SERPINB12: variants seen among roughly 807,000 people sequenced by gnomAD.
SERPINB12 encodes serpin B12.
In SERPINB12, 57 loss-of-function variants were observed where a neutral mutation model predicts 41.1. The observed-to-expected ratio is 1.39, with a 90% CI of 1.12 to 1.73. The LOEUF (loss-of-function observed/expected upper bound fraction) is 1.73. Among genes scored for constraint, SERPINB12 ranks in the 40% most tolerant of loss-of-function variants. SERPINB12 has a pLI of 0.00. For missense variants in SERPINB12, 536 were observed against 501.9 expected, an observed-to-expected ratio of 1.07 and a Z score of -0.65; for synonymous variants, 180 against 181.3, an observed-to-expected ratio of 0.99 and a Z score of 0.06.
At chr18:63,533,686 A>C in the SERPINB12 span, among the ~76,000 whole-genome samples, 12 of 152,218 alleles carry the variant, frequency 7.9e-5, no homozygotes, top group Non-Finnish European at 4.4e-5. Context: ...TATCTATAAT[A>C]GAATATTTGT....
the SERPINB12 span, among the ~76,000 whole-genome samples, chr18:63,531,420 A>C: frequency 7.2e-5 from 11 of 152,318 alleles, no homozygotes; most frequent in African/African-American, 2.6e-4. Context: ...CTCAGATAGC[A>C]TTGTTCTTTG....
In SERPINB12 at chr18:63,568,945, A is replaced by G. The variant is rs1473489842; in HGVS notation, c.*1934A>G. On this transcript the variant is annotated 3_prime_UTR_variant, in exon 8 of 8. Coordinates refer to ENST00000382768, the MANE Select transcript of SERPINB12 (RefSeq NM_001307928.2). ...GTGCCCTATCCAGAATGCATGTCCCATGGGTCAAATTAATTTCAGATAACC... is the reference window on the plus strand; with the variant it reads ...GTGCCCTATCCAGAATGCATGTCCCGTGGGTCAAATTAATTTCAGATAACC... 6.6e-6 allele frequency among the ~76,000 whole-genome samples: 1 copy of G among 152,144 alleles called. No homozygotes were observed.
chr18:63,522,148 G>A, the SERPINB12 span, among the ~76,000 whole-genome samples: 9 of 152,294 alleles, frequency 5.9e-5, no homozygotes, highest in South Asian at 4.1e-4. Flanking sequence ...TGTGACAAGA[G>A]TAATGATTGA....
At chr18:63,539,123 G>T (rs989570968), upstream of SERPINB12, among the ~76,000 whole-genome samples, 1 of 152,052 alleles carries the variant, frequency 6.6e-6, no homozygotes, top group Non-Finnish European at 1.5e-5. Flanking sequence ...CCTGACCAGG[G>T]TTATTTCCTC....
chr18:63,547,890 G>A (rs1160055951), intron 1 of SERPINB12, among the ~76,000 whole-genome samples: 1 of 152,010 alleles, frequency 6.6e-6, no homozygotes, highest in Non-Finnish European at 1.5e-5. Context: ...TCAAACATTA[G>A]GATTATCTAC....
In SERPINB12 at chr18:63,565,565, G is replaced by C; in HGVS notation, c.826G>C (p.Val276Leu). ...CACCAAGGGGAAGCTCAGCATGTTCGTGCTGCTGCCATCTCACTCTAAAGA... is the reference window on the plus strand; with the variant it reads ...CACCAAGGGGAAGCTCAGCATGTTCCTGCTGCTGCCATCTCACTCTAAAGA... ...RYTKGKLSMF[V>L]LLPSHSKDNL... The change falls in exon 7 of 8, where the codon GTG becomes CTG. Residue 276 changes from valine to leucine, a missense_variant. Physicochemically the swap from Val to Leu is conservative, Grantham distance 32. Transcript: ENST00000382768. The C allele has an allele frequency of 6.2e-7, 1 of 1,614,070 alleles. No individual in the cohort carries two copies. Among genetic ancestry groups the C allele is most frequent in the Non-Finnish European group, 8.5e-7 (1 of 1,179,958 alleles).
intron 7 of SERPINB12, 138 bp from the exon 8 acceptor site, chr18:63,566,469 C>T (rs1423798736): frequency 1.3e-6 from 1 of 745,682 alleles, no homozygotes; most frequent in African/African-American, 1.8e-5. Context: ...TAAATGAAAT[C>T]AGACTATTCT....
intron 1 of SERPINB12, among the ~76,000 whole-genome samples, chr18:63,554,529 C>A (rs1337839049): frequency 2.6e-5 from 4 of 152,032 alleles, no homozygotes; most frequent in Non-Finnish European, 5.9e-5. Flanking sequence ...GATAAAAGCA[C>A]AAATAAGAGG....
At position 63,567,976 on chromosome 18, in the gene SERPINB12, G is replaced by A. The variant is rs933020559; in HGVS notation, c.*965G>A. Reference sequence around the variant, plus strand: ...TCTGGCCACGTGGAGGCTGGCCTCCGTGTGCCCCTCTCTCTGCCTTCTGGC... The same window carrying A: ...TCTGGCCACGTGGAGGCTGGCCTCCATGTGCCCCTCTCTCTGCCTTCTGGC... On this transcript the variant is annotated 3_prime_UTR_variant, in exon 8 of 8. Transcript: ENST00000382768. Among the ~76,000 whole-genome samples the A allele has an allele frequency of 4.1e-5, 6 of 146,842 alleles. No homozygotes were observed. Among genetic ancestry groups the A allele is most frequent in the South Asian group, 2.2e-4 (1 of 4,466 alleles).
Position 63,565,550 on chromosome 18 carries a change from A to T in SERPINB12, c.811A>T (p.Lys271Ter), listed in dbSNP as rs1453489515. ...QILEMRYTKG[K>*]LSMFVLLPSH... ...CCTGGAAATGAGGTACACCAAGGGGAAGCTCAGCATGTTCGTGCTGCTGCC... is the reference window on the plus strand; with the variant it reads ...CCTGGAAATGAGGTACACCAAGGGGTAGCTCAGCATGTTCGTGCTGCTGCC... Residue 271 changes from lysine to a stop codon, truncating the protein, a stop_gained, in exon 7 of 8, where the codon AAG becomes TAG. Coordinates refer to ENST00000382768, the MANE Select transcript of SERPINB12 (RefSeq NM_001307928.2). LOFTEE classifies it high-confidence loss of function. The T allele has an allele frequency of 8.1e-6, 13 of 1,614,132 alleles. No individual in the cohort carries two copies. In the South Asian group the frequency reaches 1.4e-4, roughly 18 times the overall value.
At chr18:63,559,003 C>CTTTCTTTCTTTTCATTCT (rs1491386715) in intron 3 of SERPINB12, among the ~76,000 whole-genome samples, 1 of 78,536 alleles carries the variant, frequency 1.3e-5, no homozygotes, top group African/African-American at 5.1e-5. Context: ...TCTTTCCTTC[C>CTTTCTTTCTTTTCATTCT]TTCTTTCTTT....
At chr18:63,561,236 G>A (rs1255762869) in intron 5 of SERPINB12, 34 bp downstream of exon 5, 6 of 1,356,956 alleles carry the variant, frequency 4.4e-6, no homozygotes, top group Middle Eastern at 1.8e-4. Flanking sequence ...AGCTGGTATT[G>A]GTTTCCATTT....
chr18:63,561,283 G>T, intron 5 of SERPINB12, 81 bp downstream of exon 5: 2 of 785,322 alleles, frequency 2.5e-6, no homozygotes, highest in South Asian at 3.2e-5. Flanking sequence ...GCAGACTGCT[G>T]GTCTACTGGG....
chr18:63,559,190 C>T (rs773864838), intron 3 of SERPINB12, among the ~76,000 whole-genome samples: 34 of 151,658 alleles, frequency 2.2e-4, no homozygotes, highest in Admixed American at 1.5e-3. Context: ...CTTCAACCTC[C>T]GCCTCCTGGG....
At chr18:63,548,596 A>G (rs1043155529) in intron 1 of SERPINB12, among the ~76,000 whole-genome samples, 1 of 152,024 alleles carries the variant, frequency 6.6e-6, no homozygotes, top group Non-Finnish European at 1.5e-5. Flanking sequence ...TGTTTATATA[A>G]TATGAAGAGT....
chr18:63,560,261 C>G (rs1172486384), intron 4 of SERPINB12, among the ~76,000 whole-genome samples: 1 of 152,206 alleles, frequency 6.6e-6, no homozygotes, highest in Non-Finnish European at 1.5e-5. Flanking sequence ...CTAGAGCAAG[C>G]TGTGTCTCCA....
chr18:63,523,817 A>G, the SERPINB12 span, among the ~76,000 whole-genome samples: 4 of 152,202 alleles, frequency 2.6e-5, no homozygotes, highest in Non-Finnish European at 5.9e-5. Context: ...CATCCCAGCC[A>G]AGCAAAAAGC....
chr18:63,521,466 G>A, the SERPINB12 span, among the ~76,000 whole-genome samples: 1 of 152,182 alleles, frequency 6.6e-6, no homozygotes, highest in Non-Finnish European at 1.5e-5. Flanking sequence ...TGAGCAACAA[G>A]GGAGGTTTGG....
At chr18:63,538,134 G>A (rs567501003), upstream of SERPINB12, among the ~76,000 whole-genome samples, 10 of 152,244 alleles carry the variant, frequency 6.6e-5, no homozygotes, top group East Asian at 1.9e-3. Context: ...GACTTCTGCT[G>A]GAAGCCTTGA....
Sources: allele counts gnomAD v4.1 joint callset (sites outside exome capture counted in the v4.1 genomes callset), GRCh38; gene constraint gnomAD v4.1.1; transcripts MANE v1.5; gene names NCBI Gene and HGNC (gene_info 2026-07-23, HGNC 2026-07-21).